EYA1: variants seen among roughly 807,000 people sequenced by gnomAD.
The protein encoded by EYA1 is protein phosphatase EYA1.
EYA1 carries 16 observed loss-of-function variants against 82.0 expected under a neutral mutation model. That is an observed-to-expected ratio of 0.20 (90% CI 0.13 to 0.30). The LOEUF (loss-of-function observed/expected upper bound fraction) is 0.30. EYA1 is among the 10% of genes least tolerant of loss of function. The pLI, the probability that EYA1 is intolerant of heterozygous loss-of-function variation, is 1.00. For synonymous variants in EYA1, 261 were observed against 264.4 expected (o/e 0.99, Z 0.12); for missense variants, 633 against 730.7 (o/e 0.87, Z 1.54).
intron 2 of EYA1, among the ~76,000 whole-genome samples, chr8:71,491,644 G>C (rs1446246269): frequency 6.6e-6 from 1 of 152,208 alleles, no homozygotes; most frequent in Non-Finnish European, 1.5e-5. Flanking sequence ...CTTGGTCTGA[G>C]ACTTCTAGCC....
intron 2 of EYA1, among the ~76,000 whole-genome samples, chr8:71,399,843 C>T (rs1177731903): frequency 6.6e-6 from 1 of 152,148 alleles, no homozygotes; most frequent in Non-Finnish European, 1.5e-5. Flanking sequence ...ATAGCCAAGA[C>T]AATCCTAAGC....
At chr8:71,491,124 C>T (rs918044971) in intron 2 of EYA1, among the ~76,000 whole-genome samples, 1 of 152,220 alleles carries the variant, frequency 6.6e-6, no homozygotes, top group Non-Finnish European at 1.5e-5. Flanking sequence ...ATATAAAGCA[C>T]GTATAGCTGA....
chr8:71,425,074 C>A (rs1307823464), intron 2 of EYA1, among the ~76,000 whole-genome samples: 4 of 128,262 alleles, frequency 3.1e-5, no homozygotes, highest in Admixed American at 1.9e-4. Flanking sequence ...TCCTGGCTAA[C>A]ACGGTGAAAC....
intron 12 of EYA1, among the ~76,000 whole-genome samples, chr8:71,239,655 T>C (rs1812244022): frequency 6.6e-6 from 1 of 152,156 alleles, no homozygotes; most frequent in Non-Finnish European, 1.5e-5. Flanking sequence ...ATCCATATGC[T>C]CACACCCTTT....
chr8:71,510,627 A>C (rs1276319537), intron 2 of EYA1, among the ~76,000 whole-genome samples: 1 of 152,180 alleles, frequency 6.6e-6, no homozygotes, highest in Non-Finnish European at 1.5e-5. Flanking sequence ...ATGAAATAGC[A>C]TGAGGGAAAC....
chr8:71,305,698 GTTA>G (rs1307528427), intron 7 of EYA1, among the ~76,000 whole-genome samples: 15 of 150,702 alleles, frequency 1.0e-4, no homozygotes, highest in Middle Eastern at 3.4e-3. Context: ...CATAGTCATG[GTTA>G]TTATTATTTT....
At chr8:71,540,022 A>T (rs1815020611) in intron 1 of EYA1, among the ~76,000 whole-genome samples, 1 of 152,208 alleles carries the variant, frequency 6.6e-6, no homozygotes, top group African/African-American at 2.4e-5. Flanking sequence ...AAGAGTTCAG[A>T]GGTGCATATT....
chr8:71,335,530 T>C (rs1047627404), intron 3 of EYA1, among the ~76,000 whole-genome samples: 2 of 152,238 alleles, frequency 1.3e-5, no homozygotes, highest in African/African-American at 4.8e-5. Flanking sequence ...ATTGTTTTAA[T>C]GTAGACCAAA....
At chr8:71,409,915 C>T (rs1830487885) in intron 2 of EYA1, among the ~76,000 whole-genome samples, 1 of 131,194 alleles carries the variant, frequency 7.6e-6, no homozygotes. Flanking sequence ...GGCAGAGACA[C>T]AACCAAAAAA....
intron 7 of EYA1, among the ~76,000 whole-genome samples, chr8:71,315,300 T>C (rs528112554): frequency 3.9e-5 from 6 of 152,268 alleles, no homozygotes; most frequent in Non-Finnish European, 8.8e-5. Flanking sequence ...TGAAAGTTTC[T>C]AGATGCTAAC....
chr8:71,385,190 T>C (rs1449802105), intron 2 of EYA1, among the ~76,000 whole-genome samples: 1 of 151,936 alleles, frequency 6.6e-6, no homozygotes, highest in African/African-American at 2.4e-5. Flanking sequence ...AGCAGATGGA[T>C]TTCTAGATAT....
chr8:71,203,452 G>A (rs991193707), intron 17 of EYA1, among the ~76,000 whole-genome samples: 1 of 152,220 alleles, frequency 6.6e-6, no homozygotes, highest in African/African-American at 2.4e-5. Flanking sequence ...AGAGAGCTCA[G>A]TTGTAACCTG....
At chr8:71,272,785 G>A (rs1049407542) in intron 9 of EYA1, among the ~76,000 whole-genome samples, 2 of 152,134 alleles carry the variant, frequency 1.3e-5, no homozygotes, top group Non-Finnish European at 2.9e-5. Context: ...AATTCCAGAC[G>A]TCCAAAAAGC....
chr8:71,220,297 G>T (rs1809733390), intron 12 of EYA1, among the ~76,000 whole-genome samples: 2 of 152,164 alleles, frequency 1.3e-5, no homozygotes, highest in African/African-American at 4.8e-5. Context: ...TTAAGGTGAT[G>T]AAATCATTAT....
At chr8:71,266,306 C>T (rs188382072) in intron 11 of EYA1, among the ~76,000 whole-genome samples, 98 of 152,314 alleles carry the variant, frequency 6.4e-4, no homozygotes, top group South Asian at 2.7e-3. Flanking sequence ...TAAGACTTTT[C>T]TCCTCAGTGC....
chr8:71,335,424 C>T (rs968240608), intron 3 of EYA1, among the ~76,000 whole-genome samples: 2 of 152,068 alleles, frequency 1.3e-5, no homozygotes, highest in African/African-American at 4.8e-5. Context: ...ATAGATGCAT[C>T]GGATAGTCAC....
chr8:71,250,620 G>GA (rs1813639370), intron 11 of EYA1, among the ~76,000 whole-genome samples: 1 of 152,312 alleles, frequency 6.6e-6, no homozygotes, highest in South Asian at 2.1e-4. Flanking sequence ...TCAATCCTCT[G>GA]AAAAAACATA....
intron 16 of EYA1, among the ~76,000 whole-genome samples, chr8:71,213,887 T>C (rs575475381): frequency 3.9e-5 from 6 of 152,214 alleles, no homozygotes; most frequent in African/African-American, 7.2e-5. Context: ...AACAAATTCA[T>C]CTCTACATTT....
At chr8:71,354,649 CATT>C in intron 3 of EYA1, 130 bp downstream of exon 3, 3 of 870,650 alleles carry the variant, frequency 3.4e-6, no homozygotes, top group Non-Finnish European at 5.6e-6. Context: ...TGGTAAGTCA[CATT>C]ATTACCTAAA....
Sources: gnomAD v4.1 joint callset for allele counts (sites outside exome capture counted in the v4.1 genomes callset) on GRCh38, gnomAD v4.1.1 for gene constraint, MANE v1.5 for transcripts, NCBI Gene and HGNC (gene_info 2026-07-23, HGNC 2026-07-21) for gene names.